The following EXOC6B variants were observed in gnomAD, a reference collection of about 807,000 sequenced individuals.
EXOC6B encodes the protein exocyst complex component 6B, also known as SEC15 homolog B.
A neutral mutation model predicts 113.5 loss-of-function variants in EXOC6B; 54 were observed. The ratio of observed to expected loss-of-function variants is 0.48; its 90% CI spans 0.38 to 0.60. The LOEUF (loss-of-function observed/expected upper bound fraction) is 0.60. Ranked by LOEUF, EXOC6B falls within the 20% of genes least tolerant of loss-of-function variation. The pLI is 0.00. For synonymous variants in EXOC6B, 357 were observed against 339.0 expected (o/e 1.05, Z -0.58); for missense variants, 797 against 977.5 (o/e 0.82, Z 2.46).
At chr2:72,665,900 G>A (rs943342805) in intron 6 of EXOC6B, among the ~76,000 whole-genome samples, 1 of 152,112 alleles carries the variant, frequency 6.6e-6, no homozygotes, top group Non-Finnish European at 1.5e-5. Flanking sequence ...GAGTGGCAAG[G>A]TGAATAAAAA....
intron 1 of EXOC6B, among the ~76,000 whole-genome samples, chr2:72,761,197 A>T (rs145867074): frequency 7.4e-4 from 112 of 152,198 alleles, no homozygotes; most frequent in African/African-American, 2.6e-3. Flanking sequence ...AAGACATATG[A>T]TTAAAATTTG....
chr2:72,512,215 T>A (rs1244877355), intron 11 of EXOC6B, among the ~76,000 whole-genome samples: 1 of 152,020 alleles, frequency 6.6e-6, no homozygotes, highest in African/African-American at 2.4e-5. Context: ...TTATTGGATA[T>A]CTCTTCCAAT....
At chr2:72,286,767 G>GT (rs1685454398) in intron 20 of EXOC6B, among the ~76,000 whole-genome samples, 1 of 152,014 alleles carries the variant, frequency 6.6e-6, no homozygotes, top group Non-Finnish European at 1.5e-5. Context: ...GGATATCTCT[G>GT]TATATTCCTC....
At chr2:72,721,055 G>A (rs760729091) in intron 5 of EXOC6B, among the ~76,000 whole-genome samples, 6 of 152,056 alleles carry the variant, frequency 3.9e-5, no homozygotes, top group Non-Finnish European at 7.4e-5. Flanking sequence ...TAGGCCAGGC[G>A]TGGTGGCTCA....
rs145311614 is a variant in EXOC6B at position 72,381,333 on chromosome 2, T to C, written c.1981-1463A>G. ...ATTCCTTTTTGGAAGTATACCACAATTTATTTGGCCATTCTTCTCATGCTG... is the reference window on the plus strand; with the variant it reads ...ATTCCTTTTTGGAAGTATACCACAACTTATTTGGCCATTCTTCTCATGCTG... On this transcript the variant is annotated intron_variant, in intron 18 of 21. Coordinates refer to ENST00000272427, the MANE Select transcript of EXOC6B (RefSeq NM_015189.3). Among the ~76,000 whole-genome samples, 230 of 152,278 alleles carry C rather than the reference T, an allele frequency of 1.5e-3. 1 individual carries two copies. The highest frequency in any genetic ancestry group is 4.9e-3 in the African/African-American group (203 of 41,568).
At chr2:72,753,580 G>A (rs895620469) in intron 1 of EXOC6B, among the ~76,000 whole-genome samples, 8 of 152,084 alleles carry the variant, frequency 5.3e-5, no homozygotes, top group African/African-American at 1.9e-4. Flanking sequence ...TTCTTTGACA[G>A]TAATTTTTTA....
At chr2:72,690,462 T>G (rs1032536472) in intron 6 of EXOC6B, among the ~76,000 whole-genome samples, 1 of 152,204 alleles carries the variant, frequency 6.6e-6, no homozygotes, top group African/African-American at 2.4e-5. Flanking sequence ...CCTGAAAAGG[T>G]TCTCATTTGA....
At chr2:72,436,547 G>T (rs1695883847) in intron 18 of EXOC6B, among the ~76,000 whole-genome samples, 1 of 152,158 alleles carries the variant, frequency 6.6e-6, no homozygotes, top group South Asian at 2.1e-4. Context: ...ATCAATCATA[G>T]ATTTGGTCTT....
At chr2:72,537,254 T>A (rs1372107440) in intron 8 of EXOC6B, among the ~76,000 whole-genome samples, 1 of 152,118 alleles carries the variant, frequency 6.6e-6, no homozygotes, top group African/African-American at 2.4e-5. Context: ...TCCAGTAAGA[T>A]CTTTCTTGTA....
intron 18 of EXOC6B, among the ~76,000 whole-genome samples, chr2:72,416,642 C>A (rs1018368721): frequency 6.6e-6 from 1 of 152,100 alleles, no homozygotes; most frequent in Non-Finnish European, 1.5e-5. Context: ...AAAAGTTTCC[C>A]AGTTTACTGT....
At chr2:72,816,826 A>C (rs1452190908) in intron 1 of EXOC6B, among the ~76,000 whole-genome samples, 1 of 152,232 alleles carries the variant, frequency 6.6e-6, no homozygotes, top group African/African-American at 2.4e-5. Flanking sequence ...CTAATCAATC[A>C]GATAACAAAT....
intron 20 of EXOC6B, among the ~76,000 whole-genome samples, chr2:72,241,898 A>G: frequency 6.6e-6 from 1 of 152,170 alleles, no homozygotes; most frequent in Non-Finnish European, 1.5e-5. Context: ...AATATTGGTC[A>G]GAAAAGTGGA....
At chr2:72,541,827 TCGTAGAGACA>T (rs1215635971) in intron 8 of EXOC6B, among the ~76,000 whole-genome samples, 1 of 152,208 alleles carries the variant, frequency 6.6e-6, no homozygotes, top group Non-Finnish European at 1.5e-5. Context: ...CATTTCATTC[TCGTAGAGACA>T]CTGTGAGATA....
At chr2:72,492,816 C>T (rs1469161379) in intron 15 of EXOC6B, among the ~76,000 whole-genome samples, 1 of 151,792 alleles carries the variant, frequency 6.6e-6, no homozygotes, top group African/African-American at 2.4e-5. Flanking sequence ...ATTCTCTTTA[C>T]CTTTCATTTT....
chr2:72,819,817 T>G (rs1686485109), intron 1 of EXOC6B, among the ~76,000 whole-genome samples: 1 of 152,218 alleles, frequency 6.6e-6, no homozygotes, highest in Admixed American at 6.5e-5. Context: ...GCAGTAGTCC[T>G]AGCTTGGTAC....
chr2:72,744,803 C>A (rs1681590808), intron 1 of EXOC6B, among the ~76,000 whole-genome samples: 1 of 151,942 alleles, frequency 6.6e-6, no homozygotes. Flanking sequence ...AAGCAAATTC[C>A]AAAGTTAAGA....
chr2:72,509,168 A>T (rs1486198750), intron 11 of EXOC6B, among the ~76,000 whole-genome samples: 1 of 152,236 alleles, frequency 6.6e-6, no homozygotes, highest in Non-Finnish European at 1.5e-5. Flanking sequence ...GCATACACTG[A>T]GGAAAGGTCA....
At position 72,825,677 on chromosome 2, in the gene EXOC6B, G is replaced by T. The variant is rs1232157884; in HGVS notation, c.113+121C>A. On this transcript the variant is annotated intron_variant, in intron 1 of 21. Coordinates refer to ENST00000272427, the MANE Select transcript of EXOC6B (RefSeq NM_015189.3). The surrounding 1 kb of genome is among the most constrained non-coding windows in gnomAD (Gnocchi z 4.4). ...GAGACCCGCCTCGCCCGGTATGCAGGGTCTCTCCGAAGGGAGGGGCCGGCG... is the reference window on the plus strand; with the variant it reads ...GAGACCCGCCTCGCCCGGTATGCAGTGTCTCTCCGAAGGGAGGGGCCGGCG... 3 of 1,228,130 alleles carry T rather than the reference G, an allele frequency of 2.4e-6. No individual in the cohort carries two copies. Among genetic ancestry groups the T allele is most frequent in the East Asian group, 5.6e-5 (2 of 35,918 alleles). 76.1% of individuals were successfully genotyped at this position (1,228,130 alleles called of 1,614,324 possible). A position where few individuals can be genotyped will look rare whatever the true frequency, so the allele number is the denominator to read the frequency against.
intron 8 of EXOC6B, among the ~76,000 whole-genome samples, chr2:72,521,601 G>A (rs1480417603): frequency 6.6e-6 from 1 of 152,172 alleles, no homozygotes; most frequent in Non-Finnish European, 1.5e-5. Context: ...TTAATTATCA[G>A]CCTTACTTAT....
Sources: gnomAD v4.1 joint callset for allele counts (sites outside exome capture counted in the v4.1 genomes callset) on GRCh38, gnomAD v4.1.1 for gene constraint, Gnocchi (gnomAD v3.1) non-coding constraint, MANE v1.5 for transcripts, NCBI Gene and HGNC (gene_info 2026-07-23, HGNC 2026-07-21) for gene names.